Variants in RIMS2 observed in about 807,000 individuals in gnomAD.
RIMS2 encodes the protein regulating synaptic membrane exocytosis 2, also known as regulating synaptic membrane exocytosis protein 2.
In RIMS2, 59 loss-of-function variants were observed where a neutral mutation model predicts 174.4. The observed-to-expected ratio is 0.34, with a 90% CI of 0.27 to 0.42. The LOEUF (loss-of-function observed/expected upper bound fraction) is 0.42, where lower values mean the gene tolerates loss of function less well. Among genes scored for constraint, RIMS2 ranks in the 10% least tolerant of loss-of-function variants. RIMS2 has a pLI of 1.00. For missense variants in RIMS2, 1,620 were observed against 1,666.3 expected (o/e 0.97, Z 0.48); for synonymous variants, 606 against 572.5 (o/e 1.06, Z -0.84).
intron 15 of RIMS2, among the ~76,000 whole-genome samples, chr8:103,967,474 A>G (rs1013218857): frequency 6.6e-6 from 1 of 151,736 alleles, no homozygotes; most frequent in Non-Finnish European, 1.5e-5. Context: ...GATTATGGGC[A>G]TGAACCACCA....
At chr8:104,135,077 A>G (rs2098507146) in intron 19 of RIMS2, among the ~76,000 whole-genome samples, 1 of 152,192 alleles carries the variant, frequency 6.6e-6, no homozygotes, top group Admixed American at 6.5e-5. Context: ...TGAAAACTTC[A>G]TGTATATGGT....
At chr8:103,868,059 G>A (rs1594176615) in intron 3 of RIMS2, among the ~76,000 whole-genome samples, 1 of 151,728 alleles carries the variant, frequency 6.6e-6, no homozygotes, top group South Asian at 2.1e-4. Flanking sequence ...TCATCATATA[G>A]CCAACATTTA....
chr8:103,940,480 C>T (rs2082275185), intron 13 of RIMS2, among the ~76,000 whole-genome samples: 1 of 151,910 alleles, frequency 6.6e-6, no homozygotes, highest in South Asian at 2.1e-4. Flanking sequence ...TGGGTGGGAA[C>T]ACAACCAAAC....
intron 3 of RIMS2, among the ~76,000 whole-genome samples, chr8:103,787,837 G>A (rs2098458248): frequency 6.6e-6 from 1 of 152,128 alleles, no homozygotes; most frequent in African/African-American, 2.4e-5. Flanking sequence ...GATCGGGGAA[G>A]TTCTCCTGGA....
chr8:104,147,240 C>T (rs537037132), intron 19 of RIMS2, among the ~76,000 whole-genome samples: 10 of 152,220 alleles, frequency 6.6e-5, no homozygotes, highest in Non-Finnish European at 1.2e-4. Flanking sequence ...CGCCTTCTCT[C>T]TCTCTCCCTC....
chr8:104,119,174 G>A (rs1270482707), intron 19 of RIMS2, among the ~76,000 whole-genome samples: 6 of 148,692 alleles, frequency 4.0e-5, no homozygotes, highest in Non-Finnish European at 7.4e-5. Flanking sequence ...GGTAAACCCC[G>A]TCTCTACTTA....
intron 1 of RIMS2, among the ~76,000 whole-genome samples, chr8:103,618,482 C>T (rs2095557152): frequency 6.6e-6 from 1 of 151,994 alleles, no homozygotes; most frequent in Non-Finnish European, 1.5e-5. Flanking sequence ...GGACAGGATT[C>T]AAAGAAGTTT....
At chr8:103,936,246 T>C (rs965546801) in intron 12 of RIMS2, among the ~76,000 whole-genome samples, 1 of 152,124 alleles carries the variant, frequency 6.6e-6, no homozygotes, top group South Asian at 2.1e-4. Context: ...AAAAAAATTA[T>C]AGAGTTAAGA....
At chr8:104,202,792 G>A (rs966981415) in intron 19 of RIMS2, among the ~76,000 whole-genome samples, 1 of 152,164 alleles carries the variant, frequency 6.6e-6, no homozygotes, top group Admixed American at 6.5e-5. Flanking sequence ...GAAGTACTAG[G>A]GGTTAGGACT....
rs529461630 is a variant in RIMS2 at position 103,839,064 on chromosome 8, C to CA, written c.699-46225dup. Among the ~76,000 whole-genome samples the CA allele has an allele frequency of 5.0e-4, 75 of 150,472 alleles. No homozygotes were observed. The South Asian group carries it at 7.8e-3, about 16-fold the overall frequency. ...CGTGCGACAGGGCGACACTCCGTCT[C>CA]AAAAAAAAAGGCCTATTAATCTGCT... On this transcript the variant is annotated intron_variant, in intron 3 of 23. Transcript: ENST00000504942.
At chr8:104,072,158 A>G (rs2097207569) in intron 19 of RIMS2, among the ~76,000 whole-genome samples, 1 of 152,144 alleles carries the variant, frequency 6.6e-6, no homozygotes, top group African/African-American at 2.4e-5. Context: ...CTATCTCCCC[A>G]TCATCTGAGG....
chr8:103,883,700 C>T (rs1041394115), intron 3 of RIMS2, among the ~76,000 whole-genome samples: 1 of 151,804 alleles, frequency 6.6e-6, no homozygotes, highest in Non-Finnish European at 1.5e-5. Context: ...TAGAGTTTAT[C>T]CTGGCTTTGT....
At chr8:103,669,645 G>T (rs1264661204) in intron 1 of RIMS2, among the ~76,000 whole-genome samples, 1 of 152,226 alleles carries the variant, frequency 6.6e-6, no homozygotes, top group Admixed American at 6.5e-5. Context: ...CAGGCCCCAT[G>T]CAAGTCTGAA....
chr8:104,065,476 G>A (rs1327895006), intron 19 of RIMS2, among the ~76,000 whole-genome samples: 3 of 152,070 alleles, frequency 2.0e-5, no homozygotes, highest in African/African-American at 7.2e-5. Flanking sequence ...TCACCTTGCT[G>A]GTGAAGAATC....
intron 19 of RIMS2, among the ~76,000 whole-genome samples, chr8:104,125,563 C>A (rs2098421641): frequency 6.6e-6 from 1 of 152,080 alleles, no homozygotes; most frequent in South Asian, 2.1e-4. Flanking sequence ...AATCATAAAG[C>A]TTTAAAAGGA....
At chr8:104,235,596 A>G (rs2099253943) in intron 19 of RIMS2, among the ~76,000 whole-genome samples, 1 of 151,586 alleles carries the variant, frequency 6.6e-6, no homozygotes, top group Non-Finnish European at 1.5e-5. Flanking sequence ...ATGAACATCC[A>G]CTACATAGAC....
At chr8:104,159,070 G>T (rs921927115) in intron 19 of RIMS2, among the ~76,000 whole-genome samples, 2 of 152,092 alleles carry the variant, frequency 1.3e-5, no homozygotes, top group Non-Finnish European at 2.9e-5. Context: ...GTTAATTTTT[G>T]TATAAGGTGT....
chr8:104,091,620 G>T (rs1342050379), intron 19 of RIMS2, among the ~76,000 whole-genome samples: 2 of 149,576 alleles, frequency 1.3e-5, no homozygotes, highest in Non-Finnish European at 3.0e-5. Context: ...GTATTATATA[G>T]TATACAATAT....
At chr8:103,886,315 T>G in intron 4 of RIMS2, 92 bp downstream of exon 7, 5 of 1,025,936 alleles carry the variant, frequency 4.9e-6, no homozygotes, top group Non-Finnish European at 6.9e-6. Context: ...TAATAGGTAT[T>G]ACTAGTAGCT....
Sources: gnomAD v4.1 joint callset for allele counts (sites outside exome capture counted in the v4.1 genomes callset) on GRCh38, gnomAD v4.1.1 for gene constraint, MANE v1.5 for transcripts, NCBI Gene and HGNC (gene_info 2026-07-23, HGNC 2026-07-21) for gene names.